Variants in MSI1 observed in about 807,000 individuals in gnomAD.
The protein encoded by MSI1 is RNA-binding protein Musashi homolog 1.
MSI1 carries 15 observed loss-of-function variants against 54.4 expected under a neutral mutation model. The observed-to-expected ratio is 0.28, with a 90% confidence interval of 0.18 to 0.42. The LOEUF is 0.42. Ranked by LOEUF, MSI1 falls within the 20% of genes least tolerant of loss-of-function variation. MSI1 has a pLI of 1.00. For missense variants in MSI1, 304 were observed against 506.0 expected, an observed-to-expected ratio of 0.60 and a Z score of 3.83; for synonymous variants, 200 against 196.5, an observed-to-expected ratio of 1.02 and a Z score of -0.15.
intron 6 of MSI1, among the ~76,000 whole-genome samples, chr12:120,360,346 C>T (rs1056921377): frequency 6.6e-6 from 1 of 152,214 alleles, no homozygotes; most frequent in African/African-American, 2.4e-5. Flanking sequence ...TACCGTGATC[C>T]TCCAGCTCTC....
chr12:120,355,157 G>A (rs992254387), intron 9 of MSI1, among the ~76,000 whole-genome samples: 16 of 151,576 alleles, frequency 1.1e-4, no homozygotes, highest in Non-Finnish European at 1.5e-4. Context: ...TGTAATCCCA[G>A]CACTTTGGGA....
chr12:120,345,623 T>A lies in MSI1; in HGVS notation c.1057A>T (p.Ile353Phe). 3 of 1,613,484 alleles carry A rather than the reference T, an allele frequency of 1.9e-6. No individual in the cohort carries two copies. Among genetic ancestry groups the A allele is most frequent in the Non-Finnish European group, 2.5e-6 (3 of 1,179,842 alleles). Residue 353 changes from isoleucine (I) to phenylalanine (F), a missense_variant, in exon 14 of 15, where the codon ATT (isoleucine) becomes TTT (phenylalanine). By Grantham distance (21) the Ile-to-Phe change is conservative (BLOSUM62 0). Around this residue, in one of 4 missense-constraint regions of MSI1, gnomAD observed 147 missense variants for 231.5 expected, o/e 0.64. Coordinates refer to ENST00000257552, the MANE Select transcript of MSI1 (RefSeq NM_002442.4). The part of the protein sequence containing the change: ...GFGHSLGGPL[I>F]ATAFTNGYH Reference sequence around the variant, plus strand: ...TACCCATTGGTGAAGGCTGTGGCAATCAAAGGGCCCTGAAAAGGAAAGAAT... The same window carrying A: ...TACCCATTGGTGAAGGCTGTGGCAAACAAAGGGCCCTGAAAAGGAAAGAAT...
At chr12:120,362,158 TC>T (rs369215040) in intron 6 of MSI1, among the ~76,000 whole-genome samples, 289 of 139,794 alleles carry the variant, frequency 2.1e-3, no homozygotes, top group African/African-American at 6.3e-3. Flanking sequence ...AGGGGACACC[TC>T]CCCCCCCCAC....
chr12:120,345,778 G>A (rs1404563716), intron 13 of MSI1, 146 bp from the exon 14 acceptor site: 2 of 941,808 alleles, frequency 2.1e-6, no homozygotes, highest in African/African-American at 1.6e-5. Context: ...CTGCCTACCC[G>A]GATCACCCCC....
intron 10 of MSI1, among the ~76,000 whole-genome samples, chr12:120,351,651 G>A (rs1874607760): frequency 6.6e-6 from 1 of 151,876 alleles, no homozygotes; most frequent in African/African-American, 2.4e-5. Flanking sequence ...CTGGAGCTAC[G>A]ATTCCAGGTG....
At chr12:120,362,094 C>T (rs941296610) in intron 6 of MSI1, among the ~76,000 whole-genome samples, 1 of 151,982 alleles carries the variant, frequency 6.6e-6, no homozygotes, top group Non-Finnish European at 1.5e-5. Context: ...AGGTGCCCAC[C>T]GAGGCACGAA....
At chr12:120,360,240 C>T (rs1456409724) in intron 6 of MSI1, among the ~76,000 whole-genome samples, 1 of 152,198 alleles carries the variant, frequency 6.6e-6, no homozygotes, top group Non-Finnish European at 1.5e-5. Flanking sequence ...CCGCCTCAGC[C>T]TCCCAAAGTG....
chr12:120,363,186 G>A (rs746133673), intron 5 of MSI1, 51 bp from the exon 6 acceptor site: 28 of 1,518,074 alleles, frequency 1.8e-5, no homozygotes, highest in South Asian at 2.2e-5. Context: ...GTGGCCTACC[G>A]CCACCAGCAG....
intron 5 of MSI1, 80 bp downstream of exon 5, chr12:120,364,634 C>T (rs1875904564): frequency 4.4e-6 from 6 of 1,372,538 alleles, no homozygotes; most frequent in Non-Finnish European, 5.9e-6. Flanking sequence ...AAGCATCTTC[C>T]AGAGCAGGAA....
chr12:120,355,544 G>A (rs1875041184), intron 9 of MSI1, among the ~76,000 whole-genome samples: 1 of 152,178 alleles, frequency 6.6e-6, no homozygotes, highest in Non-Finnish European at 1.5e-5. Flanking sequence ...CATGTAACTA[G>A]CCCTCAAATG....
At chr12:120,363,453 C>T (rs973661613) in intron 5 of MSI1, among the ~76,000 whole-genome samples, 9 of 152,128 alleles carry the variant, frequency 5.9e-5, no homozygotes, top group African/African-American at 2.2e-4. Flanking sequence ...CACAGCCTAA[C>T]ACTAAGACCT....
chr12:120,366,593 C>G (rs1455165941), intron 4 of MSI1, among the ~76,000 whole-genome samples: 1 of 152,158 alleles, frequency 6.6e-6, no homozygotes, highest in Non-Finnish European at 1.5e-5. Context: ...CCTGACACAC[C>G]CCACCTCCAC....
At chr12:120,364,475 T>C (rs1875895438) in intron 5 of MSI1, among the ~76,000 whole-genome samples, 1 of 151,992 alleles carries the variant, frequency 6.6e-6, no homozygotes. Flanking sequence ...TAGCTCCCCT[T>C]TCTCCCAACA....
At position 120,347,575 on chromosome 12, in the gene MSI1, G is replaced by A. The variant is rs1025694768; in HGVS notation, c.791-61C>T. 2.4e-4 allele frequency: 382 copies of A among 1,600,800 alleles called. 1 individual carries two copies. The highest frequency in any genetic ancestry group is 3.2e-4 in the Non-Finnish European group (369 of 1,168,810). On this transcript the variant is annotated intron_variant, in intron 11 of 14. Transcript: ENST00000257552. Reference sequence around the variant, plus strand: ...TGAGGGGCAGAGATGGGTGAAGGAGGCCCCTACCTTTTAGGCAGAGCCTGT... The same window carrying A: ...TGAGGGGCAGAGATGGGTGAAGGAGACCCCTACCTTTTAGGCAGAGCCTGT...
In MSI1 at chr12:120,346,205, T is replaced by G; in HGVS notation, c.977A>C (p.Asp326Ala). ...GCTGATGTAACTGCTGACCCCCGAG[T>G]CCTGGTTGGCCGCCCCGTAGAGCTC... Reference protein sequence around the residue: ...MAELYGAANQDSGVSSYISAA... With the variant: ...MAELYGAANQASGVSSYISAA... The change falls in exon 13 of 15, where the codon GAC becomes GCC. Residue 326 changes from aspartate (D) to alanine (A), a missense_variant. Around this residue, in one of 4 missense-constraint regions of MSI1, gnomAD observed 147 missense variants for 231.5 expected, o/e 0.64. Coordinates refer to ENST00000257552, the MANE Select transcript of MSI1 (RefSeq NM_002442.4). 6.3e-7 allele frequency: 1 copy of G among 1,599,766 alleles called. No individual in the cohort carries two copies. Among genetic ancestry groups the G allele is most frequent in the East Asian group, 2.3e-5 (1 of 44,352 alleles).
At chr12:120,360,968 G>A (rs1168586649) in intron 6 of MSI1, among the ~76,000 whole-genome samples, 3 of 152,110 alleles carry the variant, frequency 2.0e-5, no homozygotes, top group African/African-American at 4.8e-5. Flanking sequence ...AGAGGATTTA[G>A]TGAGATAGTG....
chr12:120,353,423 C>T (rs766874148), intron 9 of MSI1, 44 bp from the exon 10 acceptor site: 7 of 1,572,850 alleles, frequency 4.5e-6, no homozygotes, highest in African/African-American at 2.7e-5. Flanking sequence ...ATCCACAGGG[C>T]GGATCCTGAT....
At chr12:120,361,902 ACGCCGGCCCCGGGGGCAGGCGGCCT>A (rs1314736534) in intron 6 of MSI1, among the ~76,000 whole-genome samples, 1 of 151,450 alleles carries the variant, frequency 6.6e-6, no homozygotes, top group Non-Finnish European at 1.5e-5. Context: ...TGCCATGGCA[ACGCCGGCCCCGGGGGCAGGCGGCCT>A]CCAATCACAG....
chr12:120,363,230 C>A lies in MSI1; in HGVS notation c.310-95G>T, dbSNP rs1875795479. 7.7e-6 allele frequency: 8 copies of A among 1,040,950 alleles called. No individual in the cohort carries two copies. The South Asian group carries it at 9.2e-5, about 12-fold the overall frequency. 64.5% of individuals were successfully genotyped at this position (1,040,950 alleles called of 1,614,324 possible). A position where few individuals can be genotyped will look rare whatever the true frequency, so the allele number is the denominator to read the frequency against. ...GCCCCCCTGCCAGGATGCCAGCTGA[C>A]AAGCTCTCTGTGGCCCCAGCCTCTT... On this transcript the variant is annotated intron_variant, in intron 5 of 14. Transcript: ENST00000257552.
Sources: allele counts gnomAD v4.1 joint callset (sites outside exome capture counted in the v4.1 genomes callset), GRCh38; gene constraint gnomAD v4.1.1; regional missense constraint gnomAD v4.1.1; transcripts MANE v1.5; gene names NCBI Gene and HGNC (gene_info 2026-07-23, HGNC 2026-07-21).